The following FIGN variants were observed in gnomAD, a reference collection of about 807,000 sequenced individuals.
FIGN encodes fidgetin, microtubule severing factor.
A neutral mutation model predicts 51.3 loss-of-function variants in FIGN; 11 were observed. That is an observed-to-expected ratio of 0.21 (90% CI 0.13 to 0.35). The LOEUF (loss-of-function observed/expected upper bound fraction) is 0.35. Ranked by LOEUF, FIGN falls within the 10% of genes least tolerant of loss-of-function variation. The pLI, the probability that FIGN is intolerant of heterozygous loss-of-function variation, is 1.00. For missense variants in FIGN, 857 were observed against 943.6 expected, an observed-to-expected ratio of 0.91 and a Z score of 1.20; for synonymous variants, 407 against 363.2, an observed-to-expected ratio of 1.12 and a Z score of -1.37.
chr2:163,626,105 G>C (rs1683050090), intron 2 of FIGN, among the ~76,000 whole-genome samples: 2 of 151,938 alleles, frequency 1.3e-5, no homozygotes, highest in Non-Finnish European at 2.9e-5. Context: ...GAATCAATAG[G>C]GCCATGAGAA....
At chr2:163,709,308 T>C (rs1038141049) in intron 2 of FIGN, among the ~76,000 whole-genome samples, 2 of 152,180 alleles carry the variant, frequency 1.3e-5, no homozygotes, top group African/African-American at 2.4e-5. Flanking sequence ...CAGTTTTTTA[T>C]GTAATCCACT....
At chr2:163,646,547 A>C (rs1683385828) in intron 2 of FIGN, among the ~76,000 whole-genome samples, 1 of 152,214 alleles carries the variant, frequency 6.6e-6, no homozygotes, top group African/African-American at 2.4e-5. Context: ...ATTTTTTTAA[A>C]AAAAGACAGC....
At chr2:163,643,198 A>C (rs1290930486) in intron 2 of FIGN, among the ~76,000 whole-genome samples, 1 of 152,264 alleles carries the variant, frequency 6.6e-6, no homozygotes, top group Non-Finnish European at 1.5e-5. Flanking sequence ...GATCAATGGA[A>C]TAGAACTGAG....
At chr2:163,725,424 A>G (rs1026758462) in intron 2 of FIGN, among the ~76,000 whole-genome samples, 2 of 152,122 alleles carry the variant, frequency 1.3e-5, no homozygotes, top group African/African-American at 4.8e-5. Flanking sequence ...ACAAGCTGTT[A>G]GAAAATAAAG....
intron 2 of FIGN, among the ~76,000 whole-genome samples, chr2:163,679,634 A>T (rs1332634979): frequency 6.6e-6 from 1 of 152,240 alleles, no homozygotes; most frequent in African/African-American, 2.4e-5. Flanking sequence ...TTCTTAAGCC[A>T]ACATTTCCTT....
chr2:163,648,778 C>T (rs1214104167), intron 2 of FIGN, among the ~76,000 whole-genome samples: 1 of 152,186 alleles, frequency 6.6e-6, no homozygotes, highest in Non-Finnish European at 1.5e-5. Flanking sequence ...ATACCGTAAA[C>T]ACTTTTGTTT....
chr2:163,709,934 T>A, intron 2 of FIGN, among the ~76,000 whole-genome samples: 1 of 152,248 alleles, frequency 6.6e-6, no homozygotes, highest in South Asian at 2.1e-4. Context: ...ACATATCCTA[T>A]CATATGACAA....
At chr2:163,612,096 T>A (rs2231896) in intron 2 of FIGN, among the ~76,000 whole-genome samples, 6,638 of 152,268 alleles carry the variant, frequency 0.044, 203 homozygotes, top group South Asian at 0.13. Flanking sequence ...GTCAAGCCCA[T>A]CAGCTTACCT....
chr2:163,635,709 T>C (rs949180329), intron 2 of FIGN, among the ~76,000 whole-genome samples: 2 of 152,208 alleles, frequency 1.3e-5, no homozygotes, highest in African/African-American at 4.8e-5. Context: ...GCGTATACCA[T>C]GACTGGTCTA....
intron 2 of FIGN, among the ~76,000 whole-genome samples, chr2:163,729,385 T>A (rs1037659425): frequency 6.6e-6 from 1 of 152,022 alleles, no homozygotes; most frequent in Non-Finnish European, 1.5e-5. Flanking sequence ...AGAGTAAAGG[T>A]ATTTTCAACA....
intron 2 of FIGN, among the ~76,000 whole-genome samples, chr2:163,673,335 T>C (rs1359893927): frequency 6.6e-6 from 1 of 152,140 alleles, no homozygotes; most frequent in African/African-American, 2.4e-5. Flanking sequence ...CTGTAGTAAG[T>C]TGAATCTGAC....
At chr2:163,673,460 A>C (rs1386193611) in intron 2 of FIGN, among the ~76,000 whole-genome samples, 1 of 152,078 alleles carries the variant, frequency 6.6e-6, no homozygotes, top group African/African-American at 2.4e-5. Flanking sequence ...TCAGTGTACA[A>C]TGCTCAAGTT....
At chr2:163,645,643 CA>C (rs1346109956) in intron 2 of FIGN, among the ~76,000 whole-genome samples, 1 of 152,134 alleles carries the variant, frequency 6.6e-6, no homozygotes, top group African/African-American at 2.4e-5. Flanking sequence ...TGGATCCTGA[CA>C]GTGGTTATGT....
intron 2 of FIGN, among the ~76,000 whole-genome samples, chr2:163,734,438 A>G (rs1684982338): frequency 6.6e-6 from 1 of 151,942 alleles, no homozygotes; most frequent in Non-Finnish European, 1.5e-5. Context: ...AGATTGAGAA[A>G]AATAAAATTT....
chr2:163,643,695 T>G (rs1456838301), intron 2 of FIGN, among the ~76,000 whole-genome samples: 1 of 149,458 alleles, frequency 6.7e-6, no homozygotes, highest in Non-Finnish European at 1.5e-5. Context: ...GGCTCATGCC[T>G]GTCATCCTAG....
At chr2:163,728,222 C>G (rs1239849792) in intron 2 of FIGN, among the ~76,000 whole-genome samples, 2 of 151,440 alleles carry the variant, frequency 1.3e-5, no homozygotes, top group Non-Finnish European at 1.5e-5. Context: ...TAATGGTCAG[C>G]ATTTTGTATC....
chr2:163,665,377 G>T (rs1683757110), intron 2 of FIGN, among the ~76,000 whole-genome samples: 1 of 152,220 alleles, frequency 6.6e-6, no homozygotes, highest in South Asian at 2.1e-4. Flanking sequence ...CATTCTTGAA[G>T]ATATTACTCT....
At chr2:163,696,815 A>T (rs1445937807) in intron 2 of FIGN, among the ~76,000 whole-genome samples, 1 of 147,350 alleles carries the variant, frequency 6.8e-6, no homozygotes, top group African/African-American at 2.5e-5. Flanking sequence ...CTACATTTGC[A>T]CACCACCGTG....
At chr2:163,660,103 A>C (rs1683626604) in intron 2 of FIGN, among the ~76,000 whole-genome samples, 1 of 151,974 alleles carries the variant, frequency 6.6e-6, no homozygotes, top group Non-Finnish European at 1.5e-5. Context: ...TCTATCTCAA[A>C]AAAATAAAAA....
Sources: allele counts gnomAD v4.1 joint callset (sites outside exome capture counted in the v4.1 genomes callset), GRCh38; gene constraint gnomAD v4.1.1; transcripts MANE v1.5; gene names NCBI Gene and HGNC (gene_info 2026-07-23, HGNC 2026-07-21).